SIN3A: variants seen among roughly 807,000 people sequenced by gnomAD.
SIN3A encodes the protein paired amphipathic helix protein Sin3a.
In SIN3A, 14 loss-of-function variants were observed where a neutral mutation model predicts 146.1. The observed-to-expected ratio is 0.10, with a 90% CI of 0.06 to 0.15. The LOEUF is 0.15. Among genes scored for constraint, SIN3A ranks in the 10% least tolerant of loss-of-function variants. The probability of loss-of-function intolerance (pLI) is 1.00; values close to 1 mark genes in which losing one functional copy is unlikely to be tolerated. For synonymous variants in SIN3A, 572 were observed against 572.0 expected (o/e 1.00, Z 0.00); for missense variants, 1,028 against 1,576.0 (o/e 0.65, Z 5.89).
rs1450671789 is a variant in SIN3A, at chr15:75,400,743, G to A, written c.1724C>T (p.Pro575Leu). ...GGAAGGCCTTACCTCTTTACAGAGA[G>A]GAGTCCGTCCTGTACACTTGGGCTG... ...YQQPKCTGRT[P>L]LCKEVLNDTW... Residue 575 changes from proline (P) to leucine (L), a missense_variant, in exon 11 of 21, where the codon CCT (proline) becomes CTT (leucine). Around this residue, in one of 9 missense-constraint regions of SIN3A, gnomAD observed 157 missense variants for 284.8 expected, o/e 0.55. Transcript: ENST00000394947. The A allele has an allele frequency of 3.7e-6, 6 of 1,613,506 alleles. No individual in the cohort carries two copies. The highest frequency in any genetic ancestry group is 1.7e-4 in the Middle Eastern group (1 of 5,856).
At position 75,370,146 on chromosome 15, in the gene SIN3A, G is replaced by A. The variant is rs1033671950; in HGVS notation, c.*1833C>T. ...GCAGCTACTCAGGAGGCCGAGGTGG[G>A]AGGACTGCTTGAGCCTGGGAGGTCA... is the stretch of plus-strand genomic sequence containing the variant. On this transcript the variant is annotated 3_prime_UTR_variant, in exon 21 of 21. Transcript: ENST00000394947. 2 of 152,586 alleles carry A rather than the reference G, an allele frequency of 1.3e-5. No homozygotes were observed. Among genetic ancestry groups the A allele is most frequent in the African/African-American group, 4.8e-5 (2 of 41,454 alleles). The allele number at this position is 152,586 out of a possible 1,614,324, so 9.5% of individuals were successfully genotyped here.
At position 75,400,068 on chromosome 15, in the gene SIN3A, A is replaced by G. The variant is rs1466493577; in HGVS notation, c.1826T>C (p.Ile609Thr). ...AAAGCGTTCATCTTCACAACGATAA[A>G]TATGTTCTTCATATTGAGTCTTCTT... ...SSKKTQYEEH[I>T]YRCEDERFEL... Residue 609 changes from isoleucine (I) to threonine (T), a missense_variant, in exon 12 of 21, where the codon ATT becomes ACT. Physicochemically the swap from Ile to Thr is moderately conservative, Grantham distance 89. Coordinates refer to ENST00000394947, the MANE Select transcript of SIN3A (RefSeq NM_001145358.2). 4 of 1,608,960 alleles carry G rather than the reference A, an allele frequency of 2.5e-6. No homozygotes were observed. Among genetic ancestry groups the G allele is most frequent in the Admixed American group, 3.3e-5 (2 of 59,952 alleles).
chr15:75,411,487 C>A lies in SIN3A; in HGVS notation c.1008+5G>T. On this transcript the variant is annotated splice_donor_5th_base_variant and intron_variant, in intron 6 of 20. Coordinates refer to ENST00000394947, the MANE Select transcript of SIN3A (RefSeq NM_001145358.2). ...GTTAAGACAGGCTGAATGGGCACTC[C>A]TTACCTGATATGTGTGCAAAATCTC... 1 of 1,612,110 alleles carries A rather than the reference C, an allele frequency of 6.2e-7. No homozygotes were observed. Among genetic ancestry groups the A allele is most frequent in the Non-Finnish European group, 8.5e-7 (1 of 1,178,830 alleles).
At chr15:75,401,722 T>C in intron 10 of SIN3A, 130 bp downstream of exon 10, 1 of 630,248 alleles carries the variant, frequency 1.6e-6, no homozygotes. Context: ...TCAGGACTCT[T>C]CTGGCACTAA....
At chr15:75,392,961 T>C in intron 14 of SIN3A, 146 bp from the exon 15 acceptor site, 3 of 647,734 alleles carry the variant, frequency 4.6e-6, no homozygotes, top group Non-Finnish European at 7.8e-6. Context: ...CTGGGAGCGG[T>C]GGCTCACGTC....
chr15:75,430,435 C>A lies in SIN3A; in HGVS notation c.-33-27G>T, dbSNP rs182603342. On this transcript the variant is annotated intron_variant, in intron 1 of 20. Coordinates refer to ENST00000394947, the MANE Select transcript of SIN3A (RefSeq NM_001145358.2). ...TGCAGAAACCAAAAGCAATAGCATG[C>A]AAGTCAATTCTCACTCCAGTATGAT... The A allele has an allele frequency of 1.3e-5, 20 of 1,514,368 alleles. No homozygotes were observed. In the East Asian group the frequency reaches 4.6e-4, roughly 35 times the overall value. 93.8% of individuals were successfully genotyped at this position (1,514,368 alleles called of 1,614,324 possible). A position where few individuals can be genotyped will look rare whatever the true frequency, so the allele number is the denominator to read the frequency against.
chr15:75,410,241 C>T lies in SIN3A; in HGVS notation c.1054G>A (p.Ala352Thr), dbSNP rs369609701. The change falls in exon 7 of 21, where the codon GCA (alanine) becomes ACA (threonine). Residue 352 changes from alanine to threonine, a missense_variant. By Grantham distance (58) the Ala-to-Thr change is moderately conservative. Around this residue, in one of 9 missense-constraint regions of SIN3A, gnomAD observed 40 missense variants for 74.0 expected, o/e 0.54. Transcript: ENST00000394947. ...GCATACACCTCCTGCTCTGTCAATGCTGGAGTGTAGTTTCCTCCAGCTTCC... is the reference window on the plus strand; with the variant it reads ...GCATACACCTCCTGCTCTGTCAATGTTGGAGTGTAGTTTCCTCCAGCTTCC... The part of the protein sequence containing the change: ...AKEAGGNYTP[A>T]LTEQEVYAQV... 1.9e-6 allele frequency: 3 copies of T among 1,614,006 alleles called. No homozygotes were observed. Among genetic ancestry groups the T allele is most frequent in the South Asian group, 1.1e-5 (1 of 91,050 alleles).
intron 17 of SIN3A, among the ~76,000 whole-genome samples, chr15:75,383,623 G>T (rs557954771): frequency 9.1e-4 from 138 of 151,988 alleles, no homozygotes; most frequent in African/African-American, 3.1e-3. Flanking sequence ...CCGCCTCCCG[G>T]GTTCACGCCA....
intron 19 of SIN3A, among the ~76,000 whole-genome samples, chr15:75,379,024 C>T (rs2072916988): frequency 1.3e-5 from 2 of 151,936 alleles, no homozygotes; most frequent in Admixed American, 6.6e-5. Flanking sequence ...CTCAGCCTCC[C>T]GAGTAGCTTG....
At chr15:75,372,851 C>T (rs1336100344) in intron 20 of SIN3A, among the ~76,000 whole-genome samples, 1 of 151,400 alleles carries the variant, frequency 6.6e-6, no homozygotes, top group Admixed American at 6.6e-5. Context: ...CCCAAAACCC[C>T]CAAAACCCAC....
intron 2 of SIN3A, among the ~76,000 whole-genome samples, chr15:75,423,073 A>G (rs2073866429): frequency 6.6e-6 from 1 of 152,042 alleles, no homozygotes; most frequent in African/African-American, 2.4e-5. Context: ...GTCTCTAAAA[A>G]GAGAAAAGAA....
At chr15:75,399,955 C>A in intron 12 of SIN3A, 85 bp downstream of exon 12, 1 of 783,724 alleles carries the variant, frequency 1.3e-6, no homozygotes, top group Non-Finnish European at 2.2e-6. Flanking sequence ...GCTCTTCCAT[C>A]TTAATAACCC....
chr15:75,427,305 A>T (rs2073941316), intron 2 of SIN3A, among the ~76,000 whole-genome samples: 1 of 152,026 alleles, frequency 6.6e-6, no homozygotes, highest in Non-Finnish European at 1.5e-5. Context: ...CCTGGAAGCC[A>T]GAGGTTGCAG....
chr15:75,430,269 G>C lies in SIN3A; in HGVS notation c.107C>G (p.Pro36Arg). The change falls in exon 2 of 21, where the codon CCT becomes CGT. Residue 36 changes from proline to arginine, a missense_variant. Pro to Arg is a moderately radical substitution (Grantham distance 103). This residue lies in a region of SIN3A where 152 missense variants were observed against 231.5 expected (regional missense o/e 0.66). Coordinates refer to ENST00000394947, the MANE Select transcript of SIN3A (RefSeq NM_001145358.2). ...AFPHQHRVLA[P>R]APPVYEAVSE... ...CACTGCTTCATACACAGGAGGGGCA[G>C]GGGCAAGCACCCGGTGCTGGTGAGG... The C allele has an allele frequency of 6.2e-7, 1 of 1,614,136 alleles. No individual in the cohort carries two copies. Among genetic ancestry groups the C allele is most frequent in the Non-Finnish European group, 8.5e-7 (1 of 1,180,020 alleles).
At position 75,407,039 on chromosome 15, in the gene SIN3A, CTCAT is replaced by C. The variant is rs1159981010; in HGVS notation, c.1407+12_1407+15del. 6.4e-7 allele frequency: 1 copy of C among 1,565,196 alleles called. No homozygotes were observed. The highest frequency in any genetic ancestry group is 8.8e-7 in the Non-Finnish European group (1 of 1,138,356). On this transcript the variant is annotated intron_variant, in intron 9 of 20. Transcript: ENST00000394947. ...CATTAACAGGCACTATCAAATCTAACTCATCCATTACTCACCTTATCAAAAAATA... is the reference window on the plus strand; with the variant it reads ...CATTAACAGGCACTATCAAATCTAACCCATTACTCACCTTATCAAAAAATA...
rs944514856 is a variant in SIN3A at position 75,417,034 on chromosome 15, C to CT, written c.367-2724dup. ...GAGACTTCACTGGGTTTTATAGTGG[C>CT]TTTTTTTTTTTTGGTAGCTCATTGT... On this transcript the variant is annotated intron_variant, in intron 3 of 20. Coordinates refer to ENST00000394947, the MANE Select transcript of SIN3A (RefSeq NM_001145358.2). 1.3e-3 allele frequency among the ~76,000 whole-genome samples: 183 copies of CT among 140,676 alleles called. 1 individual carries two copies. The highest frequency in any genetic ancestry group is 0.013 in the East Asian group (63 of 4,884). 92.3% of individuals were successfully genotyped at this position (140,676 alleles called of 152,430 possible).
intron 18 of SIN3A, among the ~76,000 whole-genome samples, 157 bp downstream of exon 18, chr15:75,381,456 G>A (rs1200866350): frequency 6.6e-6 from 1 of 152,186 alleles, no homozygotes; most frequent in African/African-American, 2.4e-5. Flanking sequence ...TTCAGCTGAA[G>A]ACATGGCTGG....
intron 19 of SIN3A, among the ~76,000 whole-genome samples, chr15:75,377,555 G>A (rs1433652231): frequency 1.3e-5 from 2 of 151,802 alleles, no homozygotes; most frequent in Non-Finnish European, 2.9e-5. Flanking sequence ...AACCTGGCTG[G>A]TGGAGGCTGC....
chr15:75,405,625 C>T (rs905772504), intron 9 of SIN3A, among the ~76,000 whole-genome samples: 26 of 152,014 alleles, frequency 1.7e-4, no homozygotes, highest in African/African-American at 5.3e-4. Flanking sequence ...GTAGTAGGCG[C>T]CTGTAGTCCC....
Sources: gnomAD v4.1 joint callset for allele counts (sites outside exome capture counted in the v4.1 genomes callset) on GRCh38, gnomAD v4.1.1 for gene constraint, gnomAD v4.1.1 regional missense constraint, MANE v1.5 for transcripts, NCBI Gene and HGNC (gene_info 2026-07-23, HGNC 2026-07-21) for gene names.